The following PLCB1 variants were observed in gnomAD, a reference collection of about 807,000 sequenced individuals.
The protein encoded by PLCB1 is 1-phosphatidylinositol 4,5-bisphosphate phosphodiesterase beta-1.
A neutral mutation model predicts 161.8 loss-of-function variants in PLCB1; 46 were observed. The observed-to-expected ratio is 0.28, with a 90% CI of 0.22 to 0.36. PLCB1 has a LOEUF of 0.36. PLCB1 is among the 10% of genes least tolerant of loss of function. The pLI is 1.00. For missense variants in PLCB1, 1,016 were observed against 1,472.5 expected, an observed-to-expected ratio of 0.69 and a Z score of 5.07; for synonymous variants, 517 against 503.7, an observed-to-expected ratio of 1.03 and a Z score of -0.35.
intron 12 of PLCB1, among the ~76,000 whole-genome samples, chr20:8,714,623 G>A (rs894453145): frequency 6.6e-6 from 1 of 152,158 alleles, no homozygotes; most frequent in Admixed American, 6.5e-5. Context: ...CCCTAATACT[G>A]CTGAGGAATG....
chr20:8,526,879 C>T (rs1214348251), intron 3 of PLCB1, among the ~76,000 whole-genome samples: 1 of 152,118 alleles, frequency 6.6e-6, no homozygotes, highest in East Asian at 1.9e-4. Flanking sequence ...CTGGCAATTA[C>T]ATCAAGTCAG....
intron 2 of PLCB1, among the ~76,000 whole-genome samples, chr20:8,197,731 G>T (rs578245082): frequency 4.7e-4 from 71 of 152,236 alleles, no homozygotes; most frequent in African/African-American, 1.7e-3. Context: ...TGAAGTTCTT[G>T]CCCATGCCTA....
intron 3 of PLCB1, among the ~76,000 whole-genome samples, chr20:8,453,184 A>G (rs980232963): frequency 1.3e-5 from 2 of 152,230 alleles, no homozygotes; most frequent in African/African-American, 4.8e-5. Context: ...TACTTAGGCA[A>G]GAGGCCCCCG....
chr20:8,482,759 C>A (rs1600099448), intron 3 of PLCB1, among the ~76,000 whole-genome samples: 1 of 152,088 alleles, frequency 6.6e-6, no homozygotes, highest in Admixed American at 6.6e-5. Context: ...GACTGCTTGC[C>A]AAGTGGAGTG....
intron 18 of PLCB1, among the ~76,000 whole-genome samples, chr20:8,731,896 A>C (rs1368521374): frequency 6.6e-6 from 1 of 151,912 alleles, no homozygotes; most frequent in Non-Finnish European, 1.5e-5. Flanking sequence ...AGAAAATTTC[A>C]CTGATTTTTT....
rs533122013 is a variant in PLCB1, at chr20:8,238,900, C to G, written c.177+88529C>G. Among the ~76,000 whole-genome samples the G allele has an allele frequency of 1.1e-4, 16 of 151,742 alleles. 1 individual carries two copies. In the South Asian group the frequency reaches 2.5e-3, roughly 24 times the overall value. ...GACATCAGACCCCGAGAAGCAGAAG[C>G]TAAGGCCTGGGGAGGAATGGAAGAC... On this transcript the variant is annotated intron_variant, in intron 2 of 31. Coordinates refer to ENST00000338037, the MANE Select transcript of PLCB1 (RefSeq NM_015192.4).
chr20:8,187,449 A>T (rs1234237366), intron 2 of PLCB1, among the ~76,000 whole-genome samples: 2 of 152,128 alleles, frequency 1.3e-5, no homozygotes, highest in African/African-American at 2.4e-5. Context: ...GCCTCCTCCC[A>T]TTTCTGTTAT....
intron 3 of PLCB1, among the ~76,000 whole-genome samples, chr20:8,510,979 A>G (rs1347584647): frequency 6.6e-6 from 1 of 152,090 alleles, no homozygotes. Flanking sequence ...TCACACACTA[A>G]TCATTATTTT....
chr20:8,792,372 T>C (rs1297910350), intron 31 of PLCB1, among the ~76,000 whole-genome samples: 2 of 152,156 alleles, frequency 1.3e-5, no homozygotes, highest in Non-Finnish European at 2.9e-5. Flanking sequence ...TTTCCTCAGT[T>C]CCATGGTCAT....
chr20:8,767,299 G>T (rs1325433707), intron 26 of PLCB1, among the ~76,000 whole-genome samples: 1 of 152,164 alleles, frequency 6.6e-6, no homozygotes, highest in African/African-American at 2.4e-5. Context: ...TGCTGATGCT[G>T]CTGGTCCACA....
In PLCB1 at chr20:8,510,454, T is replaced by A. The variant is rs375379784; in HGVS notation, c.247-117840T>A. Among the ~76,000 whole-genome samples, 22 of 151,022 alleles carry A rather than the reference T, an allele frequency of 1.5e-4. No homozygotes were observed. The East Asian group carries it at 3.9e-3, about 27-fold the overall frequency. ...AGACTGGAGTGCAGTGGCGCGATCTTGGCTCACTGCAACCTCTGCCTCCCA... is the reference window on the plus strand; with the variant it reads ...AGACTGGAGTGCAGTGGCGCGATCTAGGCTCACTGCAACCTCTGCCTCCCA... On this transcript the variant is annotated intron_variant, in intron 3 of 31. Transcript: ENST00000338037.
chr20:8,140,373 T>G (rs1426249030), intron 1 of PLCB1, among the ~76,000 whole-genome samples: 1 of 152,228 alleles, frequency 6.6e-6, no homozygotes, highest in African/African-American at 2.4e-5. Context: ...CTTTTGCGGT[T>G]CTAGGATTTC....
intron 27 of PLCB1, among the ~76,000 whole-genome samples, chr20:8,777,326 TC>T (rs758503797): frequency 6.6e-5 from 10 of 152,000 alleles, no homozygotes; most frequent in Non-Finnish European, 1.2e-4. Flanking sequence ...GAAGAAGCCG[TC>T]CCAAAGTTCA....
chr20:8,395,857 T>C (rs1234187115), intron 3 of PLCB1, among the ~76,000 whole-genome samples: 2 of 151,976 alleles, frequency 1.3e-5, no homozygotes, highest in African/African-American at 4.8e-5. Flanking sequence ...CTATAAAATA[T>C]AGAAAGTCAT....
intron 3 of PLCB1, among the ~76,000 whole-genome samples, chr20:8,622,771 G>C (rs372286750): frequency 6.6e-6 from 1 of 150,610 alleles, no homozygotes; most frequent in Non-Finnish European, 1.5e-5. Flanking sequence ...ATCTTTGATT[G>C]GGTCAGCTTC....
At chr20:8,356,303 A>AT (rs1219468819) in intron 2 of PLCB1, among the ~76,000 whole-genome samples, 2 of 152,206 alleles carry the variant, frequency 1.3e-5, no homozygotes, top group East Asian at 3.9e-4. Context: ...ACTTAAAAGT[A>AT]TATCAGAATC....
chr20:8,585,608 A>G (rs1395974974), intron 3 of PLCB1, among the ~76,000 whole-genome samples: 2 of 151,938 alleles, frequency 1.3e-5, no homozygotes, highest in Non-Finnish European at 2.9e-5. Context: ...TCACGTTTTT[A>G]CCCCTCTTGA....
At chr20:8,307,096 A>G (rs757772834) in intron 2 of PLCB1, among the ~76,000 whole-genome samples, 1 of 152,228 alleles carries the variant, frequency 6.6e-6, no homozygotes, top group Non-Finnish European at 1.5e-5. Context: ...TTTAGCTGGC[A>G]TCCTGCATAG....
At position 8,882,005 on chromosome 20, in the gene PLCB1, A is replaced by G; in HGVS notation, c.*156A>G. On this transcript the variant is annotated 3_prime_UTR_variant, in exon 32 of 32. Coordinates refer to ENST00000338037, the MANE Select transcript of PLCB1 (RefSeq NM_015192.4). ...AGAGTTCCAGAGGAATCCATGAAGAATTCCCATGCCCAGGCTCCATGTGTC... is the reference window on the plus strand; with the variant it reads ...AGAGTTCCAGAGGAATCCATGAAGAGTTCCCATGCCCAGGCTCCATGTGTC... 2 of 610,710 alleles carry G rather than the reference A, an allele frequency of 3.3e-6. No individual in the cohort carries two copies. Among genetic ancestry groups the G allele is most frequent in the South Asian group, 4.0e-5 (2 of 50,184 alleles). 37.8% of individuals were successfully genotyped at this position (610,710 alleles called of 1,614,324 possible).
Sources: allele counts gnomAD v4.1 joint callset (sites outside exome capture counted in the v4.1 genomes callset), GRCh38; gene constraint gnomAD v4.1.1; transcripts MANE v1.5; gene names NCBI Gene and HGNC (gene_info 2026-07-23, HGNC 2026-07-21).